IRAK3: variants seen among roughly 807,000 people sequenced by gnomAD.
IRAK3 encodes interleukin 1 receptor associated kinase 3.
A neutral mutation model predicts 56.6 loss-of-function variants in IRAK3; 57 were observed. The observed-to-expected ratio is 1.01, with a 90% CI of 0.81 to 1.26. The LOEUF is 1.26. Among genes scored for constraint, IRAK3 ranks in the 50% most tolerant of loss-of-function variants. IRAK3 has a pLI of 0.00. For missense variants in IRAK3, 703 were observed against 719.0 expected (o/e 0.98, Z 0.25); for synonymous variants, 258 against 255.7 (o/e 1.01, Z -0.09).
chr12:66,189,297 G>C lies in IRAK3; in HGVS notation c.-3G>C, dbSNP rs1301596072. The C allele has an allele frequency of 6.5e-7, 1 of 1,536,344 alleles. No individual in the cohort carries two copies. The highest frequency in any genetic ancestry group is 1.4e-5 in the African/African-American group (1 of 73,262). ...TCGTCCCCGGGGCTCGGGCAGCCGA[G>C]CCATGGCGGGGAACTGTGGGGCCCG... is the stretch of plus-strand genomic sequence containing the variant. On this transcript the variant is annotated 5_prime_UTR_variant, in exon 1 of 12. Coordinates refer to ENST00000261233, the MANE Select transcript of IRAK3 (RefSeq NM_007199.3).
chr12:66,219,649 C>A (rs1342093315), intron 6 of IRAK3, among the ~76,000 whole-genome samples: 1 of 152,138 alleles, frequency 6.6e-6, no homozygotes, highest in Non-Finnish European at 1.5e-5. Context: ...TATGGCTGTA[C>A]CACTTTATAT....
chr12:66,218,997 G>C (rs1295418995), intron 6 of IRAK3, among the ~76,000 whole-genome samples: 2 of 152,042 alleles, frequency 1.3e-5, no homozygotes, highest in African/African-American at 4.8e-5. Context: ...GGAAATGGCA[G>C]GATTTTCTTC....
intron 1 of IRAK3, chr12:66,197,070 G>A (rs933874192): frequency 2.1e-6 from 3 of 1,398,594 alleles, no homozygotes; most frequent in African/African-American, 3.0e-5. Flanking sequence ...TCTCAAAACA[G>A]CCTTCAAGGA....
In IRAK3 at chr12:66,235,522, C is replaced by T. The variant is rs555681893; in HGVS notation, c.887+7152C>T. Among the ~76,000 whole-genome samples, 178 of 152,014 alleles carry T rather than the reference C, an allele frequency of 1.2e-3. 1 individual carries two copies. Among genetic ancestry groups the T allele is most frequent in the Middle Eastern group, 0.01 (3 of 292 alleles). Reference sequence around the variant, plus strand: ...CGGGGCGAGACTCGAGCAGCTCGGGCAGCCGCCGCTCTGCGTGCCATGGAC... The same window carrying T: ...CGGGGCGAGACTCGAGCAGCTCGGGTAGCCGCCGCTCTGCGTGCCATGGAC... On this transcript the variant is annotated intron_variant, in intron 8 of 11. Coordinates refer to ENST00000261233, the MANE Select transcript of IRAK3 (RefSeq NM_007199.3).
intron 11 of IRAK3, among the ~76,000 whole-genome samples, chr12:66,245,598 C>CGCG (rs200638878): frequency 2.0e-5 from 2 of 98,360 alleles, no homozygotes; most frequent in South Asian, 6.9e-4. Flanking sequence ...AGTGCAGTGG[C>CGCG]ACGGCCCACT....
At chr12:66,215,790 A>ACGTGCGCGCGCGCG (rs1225435769) in intron 5 of IRAK3, among the ~76,000 whole-genome samples, 13,698 of 102,722 alleles carry the variant, frequency 0.13, 762 homozygotes, top group Non-Finnish European at 0.19. Flanking sequence ...CAACATGCAC[A>ACGTGCGCGCGCGCG]CACACACACA....
intron 1 of IRAK3, among the ~76,000 whole-genome samples, chr12:66,200,182 A>T (rs2052493277): frequency 6.6e-6 from 1 of 152,252 alleles, no homozygotes; most frequent in South Asian, 2.1e-4. Context: ...GTTGTAACAG[A>T]GTAACAAAAT....
chr12:66,207,395 C>G (rs1025306355), intron 2 of IRAK3, among the ~76,000 whole-genome samples: 1 of 151,960 alleles, frequency 6.6e-6, no homozygotes, highest in Admixed American at 6.5e-5. Flanking sequence ...TTGCTTGAAC[C>G]TGGGAGGTGG....
chr12:66,202,688 G>A (rs891618335), intron 1 of IRAK3, among the ~76,000 whole-genome samples: 7 of 151,824 alleles, frequency 4.6e-5, no homozygotes, highest in Admixed American at 2.0e-4. Flanking sequence ...ACCTGTAGTT[G>A]CAGCTACTTG....
chr12:66,197,379 G>A, intron 1 of IRAK3: 1 of 994,376 alleles, frequency 1.0e-6, no homozygotes, highest in Non-Finnish European at 1.2e-6. Context: ...ATTGAAGAAT[G>A]TAATTAACAT....
At chr12:66,243,157 T>G (rs2052989739) in intron 8 of IRAK3, among the ~76,000 whole-genome samples, 1 of 152,150 alleles carries the variant, frequency 6.6e-6, no homozygotes, top group Non-Finnish European at 1.5e-5. Flanking sequence ...CTTTAAGGCC[T>G]TAGCTTCATA....
intron 1 of IRAK3, among the ~76,000 whole-genome samples, chr12:66,193,407 C>T (rs1294888131): frequency 6.6e-6 from 1 of 152,160 alleles, no homozygotes; most frequent in Admixed American, 6.5e-5. Flanking sequence ...TAGTACACTC[C>T]GCACCCAGTT....
rs953465508 is a variant in IRAK3 at position 66,217,183 on chromosome 12, C to A, written c.601C>A (p.Gln201Lys). 5.6e-6 allele frequency: 9 copies of A among 1,607,456 alleles called. No homozygotes were observed. Among genetic ancestry groups the A allele is most frequent in the African/African-American group, 1.3e-5 (1 of 74,790 alleles). ...TCTGTATATGTAGGAGAAAAAAATG[C>A]AGTGTAAGAAGCATTGGAAGAGGTT... ...VKLFKQEKKM[Q>K]CKKHWKRFLS... The change falls in exon 6 of 12, where the codon CAG becomes AAG. Residue 201 changes from glutamine (Q) to lysine (K), a missense_variant. By Grantham distance (53) the Gln-to-Lys change is moderately conservative. Coordinates refer to ENST00000261233, the MANE Select transcript of IRAK3 (RefSeq NM_007199.3).
At chr12:66,225,906 G>A (rs561414999) in intron 6 of IRAK3, among the ~76,000 whole-genome samples, 130 of 152,268 alleles carry the variant, frequency 8.5e-4, no homozygotes, top group African/African-American at 3.0e-3. Context: ...TGTGTAGCTG[G>A]TATCTAGCAC....
intron 2 of IRAK3, among the ~76,000 whole-genome samples, chr12:66,204,298 T>C (rs999821469): frequency 1.3e-5 from 2 of 152,214 alleles, no homozygotes; most frequent in African/African-American, 2.4e-5. Flanking sequence ...TATTACAAGT[T>C]AAAAATATAA....
chr12:66,216,703 C>T (rs1421021234), intron 5 of IRAK3, among the ~76,000 whole-genome samples: 1 of 152,070 alleles, frequency 6.6e-6, no homozygotes, highest in Non-Finnish European at 1.5e-5. Context: ...TTTTTATTTG[C>T]TTAGTAAGCC....
chr12:66,241,112 TAGAG>T (rs1338876769), intron 8 of IRAK3, among the ~76,000 whole-genome samples: 2 of 152,250 alleles, frequency 1.3e-5, no homozygotes, highest in Admixed American at 6.5e-5. Flanking sequence ...CCCCTACTAA[TAGAG>T]AGATTAAGTA....
intron 1 of IRAK3, chr12:66,196,865 CT>C: frequency 6.8e-7 from 1 of 1,467,096 alleles, no homozygotes; most frequent in South Asian, 1.4e-5. Flanking sequence ...GACATCTTTC[CT>C]TTTTCCCTTA....
rs1400742934 is a variant in IRAK3, at chr12:66,252,686, C to T, written c.*4515C>T. The stretch of plus-strand genomic sequence containing the variant: ...AGCTTATATGTAAGTGAATAAATCT[C>T]AGGGTGGTTCTCCTGTCATAGGTCC... On this transcript the variant is annotated 3_prime_UTR_variant, in exon 12 of 12. Coordinates refer to ENST00000261233, the MANE Select transcript of IRAK3 (RefSeq NM_007199.3). The T allele has an allele frequency of 6.6e-6, 1 of 152,232 alleles. No homozygotes were observed. Among genetic ancestry groups the T allele is most frequent in the African/African-American group, 2.4e-5 (1 of 41,448 alleles). 9.4% of individuals were successfully genotyped at this position (152,232 alleles called of 1,614,324 possible). A position where few individuals can be genotyped will look rare whatever the true frequency, so the allele number is the denominator to read the frequency against.
Sources: allele counts gnomAD v4.1 joint callset (sites outside exome capture counted in the v4.1 genomes callset), GRCh38; gene constraint gnomAD v4.1.1; transcripts MANE v1.5; gene names NCBI Gene and HGNC (gene_info 2026-07-23, HGNC 2026-07-21).